The following KANSL1L variants were observed in gnomAD, a reference collection of about 807,000 sequenced individuals.
KANSL1L encodes the protein KAT8 regulatory NSL complex subunit 1-like protein.
A neutral mutation model predicts 108.6 loss-of-function variants in KANSL1L; 25 were observed. The observed-to-expected ratio is 0.23, with a 90% CI of 0.17 to 0.32. The LOEUF is 0.32. Ranked by LOEUF, KANSL1L falls within the 10% of genes least tolerant of loss-of-function variation. The probability of loss-of-function intolerance (pLI) is 1.00; values close to 1 mark genes in which losing one functional copy is unlikely to be tolerated. For missense variants in KANSL1L, 1,137 were observed against 1,125.7 expected (o/e 1.01, Z -0.14); for synonymous variants, 405 against 395.1 (o/e 1.03, Z -0.30).
At chr2:210,144,908 A>C (rs2095255085) in intron 2 of KANSL1L, among the ~76,000 whole-genome samples, 1 of 152,130 alleles carries the variant, frequency 6.6e-6, no homozygotes. Context: ...ACTTTGCATT[A>C]ATGTCTGCAT....
intron 6 of KANSL1L, among the ~76,000 whole-genome samples, chr2:210,074,766 TTAA>T: frequency 1.3e-5 from 2 of 152,314 alleles, no homozygotes; most frequent in South Asian, 2.1e-4. Context: ...CATCTTTATT[TTAA>T]TAAACATATT....
intron 4 of KANSL1L, among the ~76,000 whole-genome samples, chr2:210,102,361 C>T (rs1342858057): frequency 6.6e-6 from 1 of 152,086 alleles, no homozygotes; most frequent in Non-Finnish European, 1.5e-5. Context: ...ACCATAAAAA[C>T]CCTAGAAGAA....
At chr2:210,142,064 G>C (rs2095234164) in intron 2 of KANSL1L, among the ~76,000 whole-genome samples, 1 of 150,152 alleles carries the variant, frequency 6.7e-6, no homozygotes, top group South Asian at 2.1e-4. Flanking sequence ...CTCATAAAAT[G>C]AGTTTGAAAG....
chr2:210,110,378 A>G (rs966102117), intron 3 of KANSL1L, among the ~76,000 whole-genome samples: 1 of 152,216 alleles, frequency 6.6e-6, no homozygotes, highest in Non-Finnish European at 1.5e-5. Context: ...CTCTTATCAT[A>G]TAAAGTGTAG....
chr2:210,077,446 A>G (rs1043207532), intron 5 of KANSL1L, among the ~76,000 whole-genome samples: 3 of 152,182 alleles, frequency 2.0e-5, no homozygotes, highest in African/African-American at 7.2e-5. Flanking sequence ...GGGGAGCAGA[A>G]GGCATACAGG....
At chr2:210,169,152 C>A (rs1003655590) in intron 1 of KANSL1L, among the ~76,000 whole-genome samples, 2 of 152,020 alleles carry the variant, frequency 1.3e-5, no homozygotes, top group African/African-American at 4.8e-5. Flanking sequence ...CCTTAAAAAA[C>A]ACACACACAA....
chr2:210,117,441 A>G (rs984607127), intron 3 of KANSL1L, among the ~76,000 whole-genome samples: 2 of 152,186 alleles, frequency 1.3e-5, no homozygotes, highest in African/African-American at 4.8e-5. Flanking sequence ...AAGTACCTCA[A>G]GACATTTAAT....
At chr2:210,061,513 TGC>T (rs1029422691) in intron 6 of KANSL1L, among the ~76,000 whole-genome samples, 1 of 152,244 alleles carries the variant, frequency 6.6e-6, no homozygotes, top group Non-Finnish European at 1.5e-5. Context: ...TTTTAAAGAA[TGC>T]TATTAGCTAC....
At chr2:210,165,841 T>A (rs1017697812) in intron 1 of KANSL1L, among the ~76,000 whole-genome samples, 1 of 152,210 alleles carries the variant, frequency 6.6e-6, no homozygotes, top group Non-Finnish European at 1.5e-5. Context: ...GAGTAACCTG[T>A]GGTCAACTGC....
chr2:210,117,393 G>A (rs2094964661), intron 3 of KANSL1L, among the ~76,000 whole-genome samples: 1 of 152,078 alleles, frequency 6.6e-6, no homozygotes, highest in Non-Finnish European at 1.5e-5. Context: ...TCAAGTACAA[G>A]AAGGTTATAG....
At chr2:210,164,525 T>G (rs1205533871) in intron 1 of KANSL1L, among the ~76,000 whole-genome samples, 2 of 152,178 alleles carry the variant, frequency 1.3e-5, no homozygotes, top group African/African-American at 2.4e-5. Context: ...CACCATCATC[T>G]TTGATGATTA....
Position 210,164,851 on chromosome 2 carries a change from TTC to T in KANSL1L, c.-30+6296_-30+6297del, listed in dbSNP as rs771314115. Reference sequence around the variant, plus strand: ...TGGGTATAAATTTTACTTTTATTTTTTCTGTTTTTTTTTTTTTGTTTTTTTTT... The same window carrying T: ...TGGGTATAAATTTTACTTTTATTTTTTGTTTTTTTTTTTTTGTTTTTTTTT... On this transcript the variant is annotated intron_variant, in intron 1 of 14. Coordinates refer to ENST00000281772, the MANE Select transcript of KANSL1L (RefSeq NM_152519.4). 2.0e-4 allele frequency among the ~76,000 whole-genome samples: 30 copies of T among 151,546 alleles called. No homozygotes were observed. The South Asian group carries it at 2.9e-3, about 15-fold the overall frequency.
intron 4 of KANSL1L, among the ~76,000 whole-genome samples, chr2:210,099,062 AAG>A (rs201146376): frequency 0.01 from 1,567 of 152,218 alleles, 27 homozygotes; most frequent in African/African-American, 0.036. Context: ...TAAAAATGAA[AAG>A]AGAGTCATCT....
At chr2:210,122,941 G>C (rs1575575480) in intron 3 of KANSL1L, among the ~76,000 whole-genome samples, 1 of 152,028 alleles carries the variant, frequency 6.6e-6, no homozygotes, top group Non-Finnish European at 1.5e-5. Context: ...ATATGAAAAA[G>C]TGCTCAACAT....
intron 2 of KANSL1L, among the ~76,000 whole-genome samples, chr2:210,134,377 T>C (rs1467136421): frequency 6.6e-6 from 1 of 152,168 alleles, no homozygotes; most frequent in African/African-American, 2.4e-5. Flanking sequence ...ATTAATAATT[T>C]TTCTCCGCTT....
chr2:210,162,700 G>A (rs2095368348), intron 1 of KANSL1L, among the ~76,000 whole-genome samples: 1 of 122,722 alleles, frequency 8.1e-6, no homozygotes, highest in Non-Finnish European at 1.7e-5. Flanking sequence ...AAAAGAGGAA[G>A]GACGCTAAAA....
At chr2:210,090,703 A>T (rs1421995115) in intron 5 of KANSL1L, among the ~76,000 whole-genome samples, 3 of 151,760 alleles carry the variant, frequency 2.0e-5, no homozygotes, top group Non-Finnish European at 4.4e-5. Flanking sequence ...AGCTAATTTT[A>T]AAAAAATTTT....
At chr2:210,109,468 G>A (rs958825098) in intron 3 of KANSL1L, among the ~76,000 whole-genome samples, 4 of 151,988 alleles carry the variant, frequency 2.6e-5, no homozygotes, top group Admixed American at 2.6e-4. Context: ...ATAGAATACT[G>A]TTTCCCACAA....
rs533603171 is a variant in KANSL1L at position 210,106,370 on chromosome 2, T to G, written c.1231-2069A>C. ...TATAAATCTGCATCTATGGGAAAAC[T>G]CTACTCTGAATTTCAAAGTTCTATT... is the stretch of plus-strand genomic sequence containing the variant. On this transcript the variant is annotated intron_variant, in intron 3 of 14. Transcript: ENST00000281772. 7.2e-5 allele frequency among the ~76,000 whole-genome samples: 11 copies of G among 152,280 alleles called. No individual in the cohort carries two copies. The South Asian group carries it at 2.3e-3, about 32-fold the overall frequency.
Sources: gnomAD v4.1 joint callset for allele counts (sites outside exome capture counted in the v4.1 genomes callset) on GRCh38, gnomAD v4.1.1 for gene constraint, MANE v1.5 for transcripts, NCBI Gene and HGNC (gene_info 2026-07-23, HGNC 2026-07-21) for gene names.